DCAF5: variants seen among roughly 807,000 people sequenced by gnomAD.
DCAF5 encodes DDB1- and CUL4-associated factor 5.
In DCAF5, 9 loss-of-function variants were observed where a neutral mutation model predicts 80.7. That is an observed-to-expected ratio of 0.11 (90% CI 0.07 to 0.19). The LOEUF (loss-of-function observed/expected upper bound fraction) is 0.19, where lower values mean the gene tolerates loss of function less well. Among genes scored for constraint, DCAF5 ranks in the 10% least tolerant of loss-of-function variants. The probability of loss-of-function intolerance (pLI) is 1.00; values close to 1 mark genes in which losing one functional copy is unlikely to be tolerated. For missense variants in DCAF5, 842 were observed against 1,205.7 expected (o/e 0.70, Z 4.47); for synonymous variants, 433 against 461.9 (o/e 0.94, Z 0.80).
At chr14:69,131,261 CTTTTT>C (rs200882187) in intron 1 of DCAF5, among the ~76,000 whole-genome samples, 2 of 151,046 alleles carry the variant, frequency 1.3e-5, no homozygotes, top group South Asian at 2.1e-4. Flanking sequence ...CTTTTCTTTT[CTTTTT>C]TTTTAACTGT....
chr14:69,091,834 C>T lies in DCAF5; in HGVS notation c.719G>A (p.Arg240Gln), dbSNP rs2039541909. The T allele has an allele frequency of 6.2e-7, 1 of 1,614,058 alleles. No homozygotes were observed. The highest frequency in any genetic ancestry group is 8.5e-7 in the Non-Finnish European group (1 of 1,180,000). ...GAGCTGGGTCCCGTTGCTGTTGAAT[C>T]GTACACTCATGGCACTTTGGAGGGA... ...NLSLQSAMSV[R>Q]FNSNGTQLLA... Residue 240 changes from arginine (R) to glutamine (Q), a missense_variant, in exon 6 of 9, where the codon CGA becomes CAA. Arg to Gln is a conservative substitution (Grantham distance 43). This residue lies in a region of DCAF5 where 142 missense variants were observed against 311.9 expected (regional missense o/e 0.46). Transcript: ENST00000341516.
intron 5 of DCAF5, among the ~76,000 whole-genome samples, chr14:69,109,335 C>T (rs2040272489): frequency 6.7e-6 from 1 of 148,638 alleles, no homozygotes; most frequent in Admixed American, 6.7e-5. Flanking sequence ...CAAAACTCTG[C>T]CTCAAAAAAA....
At chr14:69,061,385 G>C (rs1037844840) in intron 8 of DCAF5, among the ~76,000 whole-genome samples, 3 of 152,114 alleles carry the variant, frequency 2.0e-5, no homozygotes, top group Non-Finnish European at 2.9e-5. Flanking sequence ...CATTTACCGT[G>C]AATTCTCATT....
At chr14:69,151,363 T>G (rs1048025378) in intron 1 of DCAF5, among the ~76,000 whole-genome samples, 1 of 152,212 alleles carries the variant, frequency 6.6e-6, no homozygotes, top group Non-Finnish European at 1.5e-5. Context: ...CAAATTGGAC[T>G]GTACGCCCCA....
At chr14:69,128,522 T>C (rs142579821) in intron 1 of DCAF5, among the ~76,000 whole-genome samples, 1 of 152,186 alleles carries the variant, frequency 6.6e-6, no homozygotes, top group African/African-American at 2.4e-5. Context: ...TTAATGTTCA[T>C]GATAGAAAAA....
chr14:69,082,836 A>G (rs796722603), intron 6 of DCAF5, among the ~76,000 whole-genome samples: 75 of 152,358 alleles, frequency 4.9e-4, no homozygotes, highest in African/African-American at 1.7e-3. Context: ...CTCTTCTACT[A>G]AAAGTAAAAT....
chr14:69,063,548 G>A (rs1217827694), intron 7 of DCAF5, among the ~76,000 whole-genome samples: 1 of 152,152 alleles, frequency 6.6e-6, no homozygotes, highest in African/African-American at 2.4e-5. Flanking sequence ...GGAGCATGGC[G>A]CCACTAGGCC....
In DCAF5 at chr14:69,104,916, AATC is replaced by A. The variant is rs1219164083; in HGVS notation, c.665+11447_665+11449del. Among the ~76,000 whole-genome samples the A allele has an allele frequency of 3.3e-5, 5 of 152,156 alleles. No homozygotes were observed. In the South Asian group the frequency reaches 1.0e-3, roughly 32 times the overall value. ...ACAAACTAAAAAGACTTAGAAGTCA[AATC>A]ATCCAATTGCTTTGTAAGGATTTTG... On this transcript the variant is annotated intron_variant, in intron 5 of 8. Transcript: ENST00000341516.
At chr14:69,134,192 G>A (rs2041124357) in intron 1 of DCAF5, among the ~76,000 whole-genome samples, 1 of 152,176 alleles carries the variant, frequency 6.6e-6, no homozygotes, top group African/African-American at 2.4e-5. Context: ...TCAAATCCAA[G>A]ATGTCTGAGT....
intron 6 of DCAF5, chr14:69,084,572 G>A (rs1449324019): frequency 7.8e-6 from 6 of 767,102 alleles, no homozygotes; most frequent in East Asian, 4.9e-5. Context: ...AACAGTGGAT[G>A]GTCTTGAGCA....
intron 7 of DCAF5, among the ~76,000 whole-genome samples, chr14:69,062,887 G>A (rs2038272308): frequency 1.3e-5 from 2 of 152,134 alleles, no homozygotes; most frequent in African/African-American, 4.8e-5. Flanking sequence ...GGAATAGTTA[G>A]GCAGCTGGAC....
chr14:69,057,789 G>A (rs955930028), intron 8 of DCAF5, among the ~76,000 whole-genome samples: 1 of 152,134 alleles, frequency 6.6e-6, no homozygotes, highest in Non-Finnish European at 1.5e-5. Flanking sequence ...CAGTAAATTA[G>A]ATGGGTCTCA....
intron 6 of DCAF5, chr14:69,084,556 T>C (rs2039243829): frequency 1.2e-5 from 9 of 756,392 alleles, no homozygotes; most frequent in African/African-American, 1.7e-5. Flanking sequence ...ACGATAAAGC[T>C]AATGCAACAG....
rs76276335 is a variant in DCAF5 at position 69,053,644 on chromosome 14, C to T, written c.*213G>A. On this transcript the variant is annotated 3_prime_UTR_variant, in exon 9 of 9. Transcript: ENST00000341516. The stretch of plus-strand genomic sequence containing the variant: ...GGAGTCACTTGGGTTATTTTTTTTT[C>T]CCCTTTCTTAACACAGCACAAGCCA... 479 of 190,172 alleles carry T rather than the reference C, an allele frequency of 2.5e-3. 4 individuals carry two copies. In the East Asian group the frequency reaches 0.25, roughly 98 times the overall value. 11.8% of individuals were successfully genotyped at this position (190,172 alleles called of 1,614,324 possible).
chr14:69,109,650 G>C (rs1449074867), intron 5 of DCAF5, among the ~76,000 whole-genome samples: 1 of 152,118 alleles, frequency 6.6e-6, no homozygotes, highest in Non-Finnish European at 1.5e-5. Context: ...TTTATAGTTT[G>C]TTGTTTATTT....
chr14:69,080,842 T>A (rs1433260103), intron 6 of DCAF5, among the ~76,000 whole-genome samples: 2 of 152,214 alleles, frequency 1.3e-5, no homozygotes, highest in Non-Finnish European at 2.9e-5. Flanking sequence ...AAATTACTAT[T>A]CAACTTTAGA....
chr14:69,055,162 A>G lies in DCAF5; in HGVS notation c.1524T>C (p.Ser508=), dbSNP rs1254011505. The G allele has an allele frequency of 1.9e-6, 3 of 1,614,110 alleles. No homozygotes were observed. Among genetic ancestry groups the G allele is most frequent in the African/African-American group, 2.7e-5 (2 of 74,952 alleles). ...PPTPTCEDAA[S]RQQRLSALRR... ...GCAGAGCAGACAGACGCTGCTGGCG[A>G]GAGGCTGCATCCTCACACGTGGGTG... Residue 508 remains serine, a synonymous_variant, in exon 9 of 9, where the codon TCT becomes TCC. Transcript: ENST00000341516. This position sits in a 1 kb window ranked among gnomAD's most constrained non-coding sequence, Gnocchi z 5.6.
intron 1 of DCAF5, among the ~76,000 whole-genome samples, chr14:69,148,299 G>T (rs1595074057): frequency 2.0e-5 from 3 of 152,182 alleles, no homozygotes; most frequent in Non-Finnish European, 1.5e-5. Flanking sequence ...CTTGTAAGTG[G>T]CACTTCAAAT....
chr14:69,083,900 T>C (rs188631728), intron 6 of DCAF5: 5 of 776,084 alleles, frequency 6.4e-6, no homozygotes, highest in Admixed American at 5.1e-5. Context: ...ACAGGAGCTT[T>C]TGAGGATACT....
Sources: allele counts gnomAD v4.1 joint callset (sites outside exome capture counted in the v4.1 genomes callset), GRCh38; gene constraint gnomAD v4.1.1; regional missense constraint gnomAD v4.1.1; non-coding constraint Gnocchi (gnomAD v3.1); transcripts MANE v1.5; gene names NCBI Gene and HGNC (gene_info 2026-07-23, HGNC 2026-07-21).